Variants in DOCK7 observed in about 807,000 individuals in gnomAD.
DOCK7 encodes dedicator of cytokinesis protein 7.
In DOCK7, 138 loss-of-function variants were observed where a neutral mutation model predicts 271.0. The observed-to-expected ratio is 0.51, with a 90% CI of 0.44 to 0.59. The LOEUF is 0.59. Ranked by LOEUF, DOCK7 falls within the 20% of genes least tolerant of loss-of-function variation. The pLI, the probability that DOCK7 is intolerant of heterozygous loss-of-function variation, is 0.00. For synonymous variants in DOCK7, 823 were observed against 876.1 expected (o/e 0.94, Z 1.07); for missense variants, 2,066 against 2,592.4 (o/e 0.80, Z 4.41).
intron 15 of DOCK7, among the ~76,000 whole-genome samples, chr1:62,585,172 C>T (rs780865277): frequency 6.6e-6 from 1 of 151,650 alleles, no homozygotes; most frequent in Non-Finnish European, 1.5e-5. Flanking sequence ...GTATTATATG[C>T]AATAATCTGA....
chr1:62,552,629 A>G, intron 22 of DOCK7, 103 bp downstream of exon 22: 1 of 1,139,300 alleles, frequency 8.8e-7, no homozygotes, highest in Non-Finnish European at 1.2e-6. Flanking sequence ...CTAATTCCTA[A>G]CTTACATACA....
chr1:62,657,645 A>G (rs1289272258), intron 2 of DOCK7, among the ~76,000 whole-genome samples: 1 of 152,170 alleles, frequency 6.6e-6, no homozygotes, highest in Admixed American at 6.5e-5. Flanking sequence ...TTCAACAGCA[A>G]TTGTAAACAC....
chr1:62,598,667 C>T, intron 14 of DOCK7: 2 of 1,321,730 alleles, frequency 1.5e-6, no homozygotes, highest in African/African-American at 1.4e-5. Context: ...AGGAAAGCAA[C>T]TTATAACCAA....
chr1:62,487,184 CAT>C, intron 43 of DOCK7: 1 of 393,832 alleles, frequency 2.5e-6, no homozygotes, highest in Non-Finnish European at 4.7e-6. Context: ...ATTAGTGTAA[CAT>C]ATGGATTTCC....
intron 14 of DOCK7, among the ~76,000 whole-genome samples, chr1:62,609,775 C>T (rs1651515365): frequency 1.3e-5 from 2 of 152,192 alleles, no homozygotes; most frequent in East Asian, 3.9e-4. Flanking sequence ...GATGCAAGCC[C>T]CTAACTAAAA....
intron 48 of DOCK7, among the ~76,000 whole-genome samples, chr1:62,465,878 A>C (rs1645662218): frequency 6.6e-6 from 1 of 152,148 alleles, no homozygotes; most frequent in Admixed American, 6.5e-5. Context: ...TCATATCAAA[A>C]ATGCAGCTTT....
chr1:62,464,309 C>T (rs989863458), intron 48 of DOCK7, among the ~76,000 whole-genome samples: 3 of 151,312 alleles, frequency 2.0e-5, no homozygotes, highest in African/African-American at 7.3e-5. Flanking sequence ...GATCCACCCA[C>T]CTCGGCCTCC....
intron 12 of DOCK7, chr1:62,625,039 G>A (rs1653769451): frequency 2.6e-6 from 1 of 391,164 alleles, no homozygotes; most frequent in African/African-American, 2.1e-5. Flanking sequence ...ATTAGTCATG[G>A]TCAACATTTC....
In DOCK7 at chr1:62,619,920, C is replaced by T. The variant is rs1652935099; in HGVS notation, c.1499G>A (p.Arg500Gln). The change falls in exon 13 of 50, where the codon CGG becomes CAG. Residue 500 changes from arginine to glutamine, a missense_variant. Arg to Gln is a conservative substitution (Grantham distance 43). Around this residue, in one of 2 missense-constraint regions of DOCK7, gnomAD observed 1,414 missense variants for 1,670.4 expected, o/e 0.85. Coordinates refer to ENST00000635253, the MANE Select transcript of DOCK7 (RefSeq NM_001367561.1). ...ADMRRPSSVL[R>Q]RLRPITAQLK... The stretch of plus-strand genomic sequence containing the variant: ...AATACCTGTAATAGGTCTTAGTCGC[C>T]GTAAGACAGAAGATGGCCTTCTCAT... 1 of 1,612,352 alleles carries T rather than the reference C, an allele frequency of 6.2e-7. No individual in the cohort carries two copies. Among genetic ancestry groups the T allele is most frequent in the African/African-American group, 1.3e-5 (1 of 74,782 alleles).
At chr1:62,619,784 G>C in intron 13 of DOCK7, 116 bp downstream of exon 13, 1 of 542,320 alleles carries the variant, frequency 1.8e-6, no homozygotes, top group East Asian at 3.3e-5. Context: ...CAGGCATTGG[G>C]CATAGAAAAA....
intron 15 of DOCK7, among the ~76,000 whole-genome samples, chr1:62,586,155 A>G (rs560012404): frequency 6.6e-6 from 1 of 152,302 alleles, no homozygotes; most frequent in African/African-American, 2.4e-5. Context: ...AATAAGAATC[A>G]CAGACGCCAA....
At chr1:62,487,457 T>C (rs1438719143) in intron 42 of DOCK7, 45 bp from the exon 43 acceptor site, 3 of 1,595,314 alleles carry the variant, frequency 1.9e-6, no homozygotes, top group Middle Eastern at 1.7e-4. Context: ...AAAAAACTGT[T>C]TGAAAGAACA....
chr1:62,483,510 T>G (rs578091593), intron 43 of DOCK7: 1 of 152,160 alleles, frequency 6.6e-6, no homozygotes, highest in East Asian at 1.9e-4. Context: ...ATGTTTTCCT[T>G]AACTTTCTTC....
At chr1:62,491,159 GGCAGA>G (rs1646454490) in intron 41 of DOCK7, among the ~76,000 whole-genome samples, 1 of 152,218 alleles carries the variant, frequency 6.6e-6, no homozygotes. Context: ...ACTACTAAAT[GGCAGA>G]GCCAGGATTT....
chr1:62,568,806 G>GT lies in DOCK7; in HGVS notation c.2113-7104dup, dbSNP rs201445886. ...CAAAAAATTAACAGATCCAGAAGCT[G>GT]TTTTTTTTTTTGAAAAAATTAATAA... On this transcript the variant is annotated intron_variant, in intron 18 of 49. Transcript: ENST00000635253. 2.5e-3 allele frequency among the ~76,000 whole-genome samples: 359 copies of GT among 141,018 alleles called. 2 individuals carry two copies. The highest frequency in any genetic ancestry group is 4.6e-3 in the South Asian group (20 of 4,324). 92.5% of individuals were successfully genotyped at this position (141,018 alleles called of 152,430 possible).
In DOCK7 at chr1:62,492,846, T is replaced by C. The variant is rs764324822; in HGVS notation, c.5219A>G (p.Asn1740Ser). The part of the protein sequence containing the change: ...YLPVGCVTFQ[N>S]ISSNVLEESA... ...TTCTTCTAAAACATTAGATGAAATA[T>C]TCTAGGGAAAAAATATATTGAAAAG... is the stretch of plus-strand genomic sequence containing the variant. Residue 1740 changes from asparagine to serine, a missense_variant and splice_region_variant, in exon 41 of 50, where the codon AAT becomes AGT. Around this residue, in one of 2 missense-constraint regions of DOCK7, gnomAD observed 652 missense variants for 922.1 expected, o/e 0.71. Coordinates refer to ENST00000635253, the MANE Select transcript of DOCK7 (RefSeq NM_001367561.1). 9 of 1,605,604 alleles carry C rather than the reference T, an allele frequency of 5.6e-6. No individual in the cohort carries two copies. Among genetic ancestry groups the C allele is most frequent in the Admixed American group, 5.2e-5 (3 of 58,088 alleles).
intron 48 of DOCK7, among the ~76,000 whole-genome samples, chr1:62,461,483 C>A (rs1178192651): frequency 1.3e-5 from 2 of 151,748 alleles, no homozygotes; most frequent in Admixed American, 6.6e-5. Context: ...GAGTGAGAGA[C>A]CAGCCTGGGC....
chr1:62,548,902 CT>C (rs1468269341), intron 22 of DOCK7, among the ~76,000 whole-genome samples: 2 of 152,150 alleles, frequency 1.3e-5, no homozygotes, highest in Admixed American at 1.3e-4. Flanking sequence ...ATATCCAAAT[CT>C]GAACAAAACT....
At chr1:62,561,803 A>C in intron 18 of DOCK7, 100 bp from the exon 19 acceptor site, 8 of 612,666 alleles carry the variant, frequency 1.3e-5, no homozygotes, top group Non-Finnish European at 2.1e-5. Flanking sequence ...AATATTGTGA[A>C]AATATATTTT....
Sources: gnomAD v4.1 joint callset for allele counts (sites outside exome capture counted in the v4.1 genomes callset) on GRCh38, gnomAD v4.1.1 for gene constraint, gnomAD v4.1.1 regional missense constraint, MANE v1.5 for transcripts, NCBI Gene and HGNC (gene_info 2026-07-23, HGNC 2026-07-21) for gene names.